ANKMY1: variants seen among roughly 807,000 people sequenced by gnomAD.
The protein encoded by ANKMY1 is ankyrin repeat and MYND domain containing 1.
Under a neutral mutation model 102.0 loss-of-function variants are expected in ANKMY1, and 98 were observed. The observed-to-expected ratio is 0.96, with a 90% confidence interval of 0.82 to 1.14. The LOEUF is 1.14. Ranked by LOEUF, ANKMY1 falls within the 50% of genes most tolerant of loss-of-function variation. The pLI is 0.00. For synonymous variants in ANKMY1, 582 were observed against 559.9 expected (o/e 1.04, Z -0.56); for missense variants, 1,330 against 1,347.6 (o/e 0.99, Z 0.20).
intron 1 of ANKMY1, 22 bp from the exon 2 acceptor site, chr2:240,557,374 C>A (rs745579293): frequency 4.2e-6 from 6 of 1,443,656 alleles, no homozygotes; most frequent in Non-Finnish European, 5.5e-6. Flanking sequence ...GTCAGGACCG[C>A]ACATGTGCCC....
chr2:240,483,937 T>C (rs945982471), intron 15 of ANKMY1, among the ~76,000 whole-genome samples: 6 of 152,208 alleles, frequency 3.9e-5, no homozygotes, highest in African/African-American at 1.4e-4. Context: ...CATGAGGTGT[T>C]TGGTTTTCTG....
chr2:240,477,478 C>A (rs933419686), downstream of ANKMY1, among the ~76,000 whole-genome samples: 81 of 152,204 alleles, frequency 5.3e-4, no homozygotes, highest in African/African-American at 1.9e-3. Context: ...CTCACTGTAG[C>A]CTCACACTCC....
At chr2:240,478,190 T>A (rs979745349), downstream of ANKMY1, among the ~76,000 whole-genome samples, 1 of 152,202 alleles carries the variant, frequency 6.6e-6, no homozygotes, top group African/African-American at 2.4e-5. Context: ...CATGCCGCCA[T>A]GTTTCCTGTG....
At chr2:240,523,623 G>A in intron 8 of ANKMY1, 1 of 562,448 alleles carries the variant, frequency 1.8e-6, no homozygotes, top group Non-Finnish European at 3.1e-6. Flanking sequence ...GCCAAAGCAG[G>A]GCTGGCGTGG....
chr2:240,519,262 G>A (rs764854086), intron 9 of ANKMY1, among the ~76,000 whole-genome samples: 2 of 152,226 alleles, frequency 1.3e-5, no homozygotes, highest in Non-Finnish European at 2.9e-5. Context: ...GCACTGAACG[G>A]AAAATTGTGA....
At chr2:240,530,471 G>T (rs970089739) in intron 4 of ANKMY1, among the ~76,000 whole-genome samples, 7 of 152,114 alleles carry the variant, frequency 4.6e-5, no homozygotes, top group Admixed American at 1.3e-4. Flanking sequence ...TCCCCCACTT[G>T]CTCCTGCTCC....
chr2:240,558,113 C>G, upstream of ANKMY1: 1 of 443,382 alleles, frequency 2.3e-6, no homozygotes, highest in Non-Finnish European at 3.0e-6. Context: ...TCTGTGACTT[C>G]AGGGGCTTGG....
downstream of ANKMY1, among the ~76,000 whole-genome samples, chr2:240,476,592 G>A (rs1162451983): frequency 6.6e-6 from 1 of 152,222 alleles, no homozygotes; most frequent in African/African-American, 2.4e-5. Flanking sequence ...GCTGCAGGTG[G>A]AGACAGCAGA....
At chr2:240,493,527 A>G (rs962125645) in intron 15 of ANKMY1, among the ~76,000 whole-genome samples, 1 of 152,066 alleles carries the variant, frequency 6.6e-6, no homozygotes, top group East Asian at 1.9e-4. Flanking sequence ...TTGGTTGGGT[A>G]GGGTACTTTG....
chr2:240,485,765 A>T (rs959452427), intron 15 of ANKMY1, among the ~76,000 whole-genome samples: 7 of 152,022 alleles, frequency 4.6e-5, no homozygotes, highest in Non-Finnish European at 8.8e-5. Context: ...CATTTTAAAA[A>T]AAATTTTTGT....
At position 240,520,761 on chromosome 2, in the gene ANKMY1, CCA is replaced by C. The variant is rs2082074640; in HGVS notation, c.1833-230_1833-229del. Among the ~76,000 whole-genome samples, 2 of 150,104 alleles carry C rather than the reference CCA, an allele frequency of 1.3e-5. No individual in the cohort carries two copies. The highest frequency in any genetic ancestry group is 3.0e-5 in the Non-Finnish European group (2 of 67,362). ...GCACACACACGGCACACACAGCACA[CCA>C]CACAGCACACTCACAACCACACCCA... On this transcript the variant is annotated intron_variant, in intron 8 of 17. Transcript: ENST00000401804. The surrounding 1 kb of genome is among the most constrained non-coding windows in gnomAD (Gnocchi z 4.8).
At chr2:240,475,715 A>G (rs2151807594), downstream of ANKMY1, among the ~76,000 whole-genome samples, 1 of 152,090 alleles carries the variant, frequency 6.6e-6, no homozygotes, top group Non-Finnish European at 1.5e-5. Flanking sequence ...TGTATCTTGC[A>G]ACTTTAATGA....
At position 240,555,128 on chromosome 2, in the gene ANKMY1, C is replaced by T. The variant is rs1379667603; in HGVS notation, c.147-73G>A. Reference sequence around the variant, plus strand: ...CCTTCAGTGACTGCTGAGCACAACCCCCGAGCACAACCCAGCATCTCATTT... The same window carrying T: ...CCTTCAGTGACTGCTGAGCACAACCTCCGAGCACAACCCAGCATCTCATTT... On this transcript the variant is annotated intron_variant, in intron 2 of 17. Coordinates refer to ENST00000401804, the MANE Select transcript of ANKMY1 (RefSeq NM_001282771.3). The T allele has an allele frequency of 1.5e-5, 22 of 1,492,270 alleles. No homozygotes were observed. In the East Asian group the frequency reaches 4.8e-4, roughly 32 times the overall value. The allele number at this position is 1,492,270 out of a possible 1,614,324, so 92.4% of individuals were successfully genotyped here.
At chr2:240,487,057 A>G (rs986247802) in intron 15 of ANKMY1, among the ~76,000 whole-genome samples, 2 of 152,126 alleles carry the variant, frequency 1.3e-5, no homozygotes, top group Non-Finnish European at 2.9e-5. Flanking sequence ...TCTGCTCTAA[A>G]ACATTGACTT....
At chr2:240,560,486 GC>G, upstream of ANKMY1, 2 of 777,132 alleles carry the variant, frequency 2.6e-6, no homozygotes, top group Middle Eastern at 4.2e-4. Context: ...CCATGCCCCG[GC>G]CCCAACGAGA....
downstream of ANKMY1, among the ~76,000 whole-genome samples, chr2:240,476,612 G>C (rs115474860): frequency 6.6e-6 from 1 of 152,304 alleles, no homozygotes; most frequent in African/African-American, 2.4e-5. Flanking sequence ...AGCACAGAAG[G>C]GGCCCCTACG....
At chr2:240,481,842 C>T (rs576356590) in intron 16 of ANKMY1, among the ~76,000 whole-genome samples, 99 of 152,286 alleles carry the variant, frequency 6.5e-4, no homozygotes, top group Middle Eastern at 6.8e-3. Context: ...AGAAGCAAAG[C>T]CTGGGCTCAA....
At chr2:240,526,714 C>T (rs1475314998) in intron 5 of ANKMY1, 2 of 1,374,572 alleles carry the variant, frequency 1.5e-6, no homozygotes, top group South Asian at 3.0e-5. Flanking sequence ...GCTGCGAGTA[C>T]ATCCATGCAT....
intron 9 of ANKMY1, among the ~76,000 whole-genome samples, chr2:240,515,310 G>A (rs1260241555): frequency 3.3e-5 from 5 of 152,132 alleles, no homozygotes; most frequent in Admixed American, 6.5e-5. Flanking sequence ...GCCAAGGTGG[G>A]CGGATCACTA....
Sources: gnomAD v4.1 joint callset for allele counts (sites outside exome capture counted in the v4.1 genomes callset) on GRCh38, gnomAD v4.1.1 for gene constraint, Gnocchi (gnomAD v3.1) non-coding constraint, MANE v1.5 for transcripts, NCBI Gene and HGNC (gene_info 2026-07-23, HGNC 2026-07-21) for gene names.